The following ERI3 variants were observed in gnomAD, a reference collection of about 807,000 sequenced individuals.
The protein encoded by ERI3 is ERI1 exoribonuclease family member 3.
Under a neutral mutation model 44.4 loss-of-function variants are expected in ERI3, and 18 were observed. The ratio of observed to expected loss-of-function variants is 0.41; its 90% CI spans 0.28 to 0.60. ERI3 has a LOEUF of 0.60. ERI3 is among the 20% of genes least tolerant of loss of function. ERI3 has a pLI of 0.36. For synonymous variants in ERI3, 183 were observed against 164.8 expected, an observed-to-expected ratio of 1.11 and a Z score of -0.84; for missense variants, 294 against 435.5, an observed-to-expected ratio of 0.68 and a Z score of 2.89.
At chr1:44,344,925 C>T (rs1215518713) in intron 2 of ERI3, among the ~76,000 whole-genome samples, 1 of 152,100 alleles carries the variant, frequency 6.6e-6, no homozygotes, top group Non-Finnish European at 1.5e-5. Context: ...GGGGCCAGCC[C>T]GATTTGGAGA....
chr1:44,293,393 G>A (rs984474032), intron 6 of ERI3, among the ~76,000 whole-genome samples: 4 of 152,192 alleles, frequency 2.6e-5, no homozygotes, highest in Non-Finnish European at 4.4e-5. Context: ...GAGAGGACTA[G>A]GATAAGAAGG....
intron 4 of ERI3, among the ~76,000 whole-genome samples, chr1:44,318,174 A>G (rs77372936): frequency 0.022 from 3,421 of 152,248 alleles, 60 homozygotes; most frequent in Non-Finnish European, 0.036. Context: ...CGATACTCTC[A>G]AGCATCCACT....
At chr1:44,302,674 C>T (rs912817829) in intron 6 of ERI3, among the ~76,000 whole-genome samples, 3 of 152,190 alleles carry the variant, frequency 2.0e-5, no homozygotes, top group African/African-American at 4.8e-5. Flanking sequence ...ACACCTCTAC[C>T]GATATCAAAT....
chr1:44,332,438 G>C (rs893550351), intron 3 of ERI3, among the ~76,000 whole-genome samples: 1 of 152,204 alleles, frequency 6.6e-6, no homozygotes, highest in Non-Finnish European at 1.5e-5. Context: ...CCCAAGGAAA[G>C]TTCCTGGCCC....
chr1:44,307,127 C>T (rs571582569), intron 6 of ERI3, among the ~76,000 whole-genome samples: 3 of 152,176 alleles, frequency 2.0e-5, no homozygotes, highest in African/African-American at 7.2e-5. Flanking sequence ...AAGAGGGGTG[C>T]AGTCAGTTTG....
intron 6 of ERI3, among the ~76,000 whole-genome samples, chr1:44,293,736 T>C (rs953212133): frequency 6.6e-6 from 1 of 152,240 alleles, no homozygotes; most frequent in Non-Finnish European, 1.5e-5. Flanking sequence ...CTCTTCATTC[T>C]AAAAGCCCTG....
intron 3 of ERI3, among the ~76,000 whole-genome samples, chr1:44,330,648 G>A (rs1199381291): frequency 6.6e-6 from 1 of 152,230 alleles, no homozygotes; most frequent in Admixed American, 6.5e-5. Context: ...TTTGCTGGGG[G>A]TGGGGGTAGC....
intron 2 of ERI3, among the ~76,000 whole-genome samples, chr1:44,348,420 G>C (rs553443816): frequency 6.6e-6 from 1 of 152,330 alleles, no homozygotes; most frequent in East Asian, 1.9e-4. Context: ...CAGAGGGTCT[G>C]AACAGGCATA....
At chr1:44,299,446 A>G (rs2154326604) in intron 6 of ERI3, among the ~76,000 whole-genome samples, 2 of 152,262 alleles carry the variant, frequency 1.3e-5, no homozygotes, top group Middle Eastern at 3.4e-3. Context: ...TCAGCCTCCC[A>G]AAGCACTGGG....
chr1:44,259,623 A>C (rs1023193596), intron 7 of ERI3, among the ~76,000 whole-genome samples: 1 of 151,572 alleles, frequency 6.6e-6, no homozygotes, highest in African/African-American at 2.4e-5. Context: ...GGGAGGACTA[A>C]TTGAACCCAG....
intron 4 of ERI3, among the ~76,000 whole-genome samples, chr1:44,316,611 T>C (rs1646093027): frequency 6.6e-6 from 1 of 152,212 alleles, no homozygotes; most frequent in African/African-American, 2.4e-5. Context: ...CCAAGACAGT[T>C]TGTTGATTAC....
At chr1:44,292,643 C>T (rs566871712) in intron 6 of ERI3, among the ~76,000 whole-genome samples, 1 of 152,192 alleles carries the variant, frequency 6.6e-6, no homozygotes, top group Non-Finnish European at 1.5e-5. Context: ...AGCAAGTGTG[C>T]GTGCATGCAC....
intron 7 of ERI3, among the ~76,000 whole-genome samples, chr1:44,278,644 T>C (rs950421816): frequency 6.6e-6 from 1 of 152,224 alleles, no homozygotes; most frequent in Non-Finnish European, 1.5e-5. Flanking sequence ...TTGCCTAGCC[T>C]GGAGTGCTGT....
intron 7 of ERI3, among the ~76,000 whole-genome samples, chr1:44,276,849 G>C (rs966572565): frequency 7.9e-5 from 12 of 152,092 alleles, no homozygotes; most frequent in Non-Finnish European, 1.2e-4. Context: ...TCTCCACCCT[G>C]AATGAATCTA....
chr1:44,299,748 G>C (rs1645685656), intron 6 of ERI3, among the ~76,000 whole-genome samples: 1 of 152,104 alleles, frequency 6.6e-6, no homozygotes, highest in Non-Finnish European at 1.5e-5. Context: ...AGGAGGTTGT[G>C]GCCTGGTGGG....
intron 3 of ERI3, among the ~76,000 whole-genome samples, chr1:44,333,304 G>A (rs1391306043): frequency 1.3e-5 from 2 of 152,200 alleles, no homozygotes; most frequent in Non-Finnish European, 2.9e-5. Context: ...TCATTTTCCA[G>A]TTTAGAAGAA....
intron 7 of ERI3, among the ~76,000 whole-genome samples, chr1:44,258,512 T>C (rs1371121087): frequency 6.6e-6 from 1 of 152,212 alleles, no homozygotes; most frequent in African/African-American, 2.4e-5. Flanking sequence ...CACCCATTTA[T>C]TGAGGAACTA....
At position 44,354,229 on chromosome 1, in the gene ERI3, T is replaced by C. The variant is rs1306424215; in HGVS notation, c.135+663A>G. On this transcript the variant is annotated intron_variant, in intron 1 of 8. Transcript: ENST00000372257. ...CCCTTCCGCTGGGAGACTGATTAAA[T>C]GTCTGACAAGAGTAAATGCCATTGA... 3 of 985,340 alleles carry C rather than the reference T, an allele frequency of 3.0e-6. No individual in the cohort carries two copies. In the African/African-American group the frequency reaches 5.2e-5, roughly 17 times the overall value. 61.0% of individuals were successfully genotyped at this position (985,340 alleles called of 1,614,324 possible).
intron 7 of ERI3, among the ~76,000 whole-genome samples, chr1:44,263,825 C>A (rs1400778326): frequency 6.6e-6 from 1 of 152,228 alleles, no homozygotes; most frequent in East Asian, 1.9e-4. Context: ...GAGCCCTGAG[C>A]CCTTCCTCCC....
Sources: gnomAD v4.1 joint callset for allele counts (sites outside exome capture counted in the v4.1 genomes callset) on GRCh38, gnomAD v4.1.1 for gene constraint, MANE v1.5 for transcripts, NCBI Gene and HGNC (gene_info 2026-07-23, HGNC 2026-07-21) for gene names.